CDKN2C: variants seen among roughly 807,000 people sequenced by gnomAD.
CDKN2C encodes cyclin-dependent kinase 4 inhibitor C.
In CDKN2C, 5 loss-of-function variants were observed where a neutral mutation model predicts 11.0. The observed-to-expected ratio is 0.45, with a 90% CI of 0.24 to 0.95. The LOEUF (loss-of-function observed/expected upper bound fraction) is 0.95, where lower values mean the gene tolerates loss of function less well. Ranked by LOEUF, CDKN2C falls within the 40% of genes least tolerant of loss-of-function variation. CDKN2C has a pLI of 0.21. For synonymous variants in CDKN2C, 79 were observed against 88.3 expected (o/e 0.89, Z 0.59); for missense variants, 161 against 211.9 (o/e 0.76, Z 1.49).
chr1:50,974,332 C>A lies in CDKN2C; in HGVS notation c.*62C>A, dbSNP rs1645395859. The A allele has an allele frequency of 2.7e-6, 4 of 1,460,276 alleles. No homozygotes were observed. In the East Asian group the frequency reaches 6.9e-5, roughly 25 times the overall value. 90.5% of individuals were successfully genotyped at this position (1,460,276 alleles called of 1,614,324 possible). A position where few individuals can be genotyped will look rare whatever the true frequency, so the allele number is the denominator to read the frequency against. On this transcript the variant is annotated 3_prime_UTR_variant, in exon 2 of 2. Transcript: ENST00000371761. The stretch of plus-strand genomic sequence containing the variant: ...TCAATTAACTGAGTAGCTCTCCTGA[C>A]TTTTAATGTCATTTGTTAAAATACA...
chr1:50,961,618 C>G (rs1645323884), intron 1 of CDKN2C, among the ~76,000 whole-genome samples: 1 of 152,160 alleles, frequency 6.6e-6, no homozygotes, highest in African/African-American at 2.4e-5. Flanking sequence ...CTGATTTTAT[C>G]CTGTAGAGCT....
In CDKN2C at chr1:50,970,424, A is replaced by G; in HGVS notation, c.56A>G (p.Glu19Gly). 3 of 1,614,114 alleles carry G rather than the reference A, an allele frequency of 1.9e-6. No individual in the cohort carries two copies. The highest frequency in any genetic ancestry group is 2.5e-6 in the Non-Finnish European group (3 of 1,179,974). The change falls in exon 1 of 2, where the codon GAG (glutamate) becomes GGG (glycine). Residue 19 changes from glutamate (E) to glycine (G), a missense_variant. Glu to Gly is a moderately conservative substitution (Grantham distance 98). Coordinates refer to ENST00000371761, the MANE Select transcript of CDKN2C (RefSeq NM_078626.3). ...LASAAARGDLEQLTSLLQNNV... is the reference protein window; with the variant it reads ...LASAAARGDLGQLTSLLQNNV... The stretch of plus-strand genomic sequence containing the variant: ...TCCGCAGCTGCCAGGGGGGACCTAG[A>G]GCAACTTACTAGTTTGTTGCAAAAT...
intron 1 of CDKN2C, chr1:50,960,930 C>T (rs1645315578): frequency 6.6e-6 from 1 of 152,154 alleles, no homozygotes; most frequent in Non-Finnish European, 1.5e-5. Context: ...CTTTCTACTG[C>T]TGCAGTTATA....
At chr1:50,970,096 C>A, upstream of CDKN2C, 2 of 517,182 alleles carry the variant, frequency 3.9e-6, no homozygotes, top group South Asian at 4.2e-5. Flanking sequence ...TCTGTGGAGT[C>A]GTCAGAATTC....
chr1:50,962,307 C>T (rs1347538229), intron 1 of CDKN2C, among the ~76,000 whole-genome samples: 2 of 152,212 alleles, frequency 1.3e-5, no homozygotes, highest in Non-Finnish European at 2.9e-5. Context: ...TCACCTGAAC[C>T]TGGGAGGTGG....
At chr1:50,970,007 A>G (rs1289121226), upstream of CDKN2C, 7 of 407,772 alleles carry the variant, frequency 1.7e-5, no homozygotes, top group Non-Finnish European at 3.2e-5. Flanking sequence ...AGAGATCTGT[A>G]GCGTAGGTAC....
intron 1 of CDKN2C, among the ~76,000 whole-genome samples, chr1:50,961,333 C>T (rs951605417): frequency 3.3e-5 from 5 of 152,164 alleles, no homozygotes; most frequent in African/African-American, 7.2e-5. Flanking sequence ...CCACTGCACC[C>T]GGCCTATTCA....
chr1:50,973,950 C>G lies in CDKN2C; in HGVS notation c.187C>G (p.Pro63Ala), dbSNP rs765396109. The change falls in exon 2 of 2, where the codon CCC becomes GCC. Residue 63 changes from proline to alanine, a missense_variant. Coordinates refer to ENST00000371761, the MANE Select transcript of CDKN2C (RefSeq NM_078626.3). ...GAGACTGCTACTTAGAGGTGCTAAT[C>G]CCGATTTGAAAGACCGAACTGGTTT... ...ARRLLLRGAN[P>A]DLKDRTGFAV... The G allele has an allele frequency of 6.2e-7, 1 of 1,614,190 alleles. No homozygotes were observed.
chr1:50,966,119 G>A (rs1453241390), upstream of CDKN2C, among the ~76,000 whole-genome samples: 1 of 145,950 alleles, frequency 6.9e-6, no homozygotes, highest in East Asian at 2.0e-4. Flanking sequence ...CTGCTGGGCC[G>A]CCACTGCCTC....
chr1:50,963,107 C>G (rs879560663), intron 1 of CDKN2C, among the ~76,000 whole-genome samples: 5 of 152,174 alleles, frequency 3.3e-5, no homozygotes, highest in Non-Finnish European at 7.3e-5. Context: ...TTTCTCAGGA[C>G]CACCCCTTTC....
chr1:50,967,571 GGCC>G (rs1329517490), upstream of CDKN2C, among the ~76,000 whole-genome samples: 2 of 152,172 alleles, frequency 1.3e-5, no homozygotes, highest in African/African-American at 4.8e-5. Flanking sequence ...GCTTGCCAAA[GGCC>G]GGTTCTAATT....
At chr1:50,971,203 A>G (rs1645377996) in intron 1 of CDKN2C, among the ~76,000 whole-genome samples, 1 of 152,218 alleles carries the variant, frequency 6.6e-6, no homozygotes, top group Non-Finnish European at 1.5e-5. Context: ...GCTGCCAAGT[A>G]TTGTACCTGA....
At chr1:50,971,956 T>C (rs1476588361) in intron 1 of CDKN2C, among the ~76,000 whole-genome samples, 1 of 152,142 alleles carries the variant, frequency 6.6e-6, no homozygotes, top group Non-Finnish European at 1.5e-5. Flanking sequence ...TCAATATGTA[T>C]AATCCTGACT....
At chr1:50,961,465 T>G (rs1645322386) in intron 1 of CDKN2C, among the ~76,000 whole-genome samples, 1 of 152,242 alleles carries the variant, frequency 6.6e-6, no homozygotes. Flanking sequence ...TGTGACAGTT[T>G]GTAATTGTCG....
chr1:50,969,952 C>T (rs960405826), upstream of CDKN2C: 18 of 252,598 alleles, frequency 7.1e-5, 1 homozygote, highest in South Asian at 1.2e-3. This position sits in a 1 kb window ranked among gnomAD's most constrained non-coding sequence, Gnocchi z 6.6. Context: ...GCGGTATTTT[C>T]TGCCCCGATC....
chr1:50,963,642 C>A (rs2124775279), intron 1 of CDKN2C, among the ~76,000 whole-genome samples: 1 of 152,252 alleles, frequency 6.6e-6, no homozygotes, highest in South Asian at 2.1e-4. Context: ...TATGGCCTAA[C>A]TCTTCATGGT....
chr1:50,966,155 C>T (rs1645346436), upstream of CDKN2C, among the ~76,000 whole-genome samples: 1 of 151,358 alleles, frequency 6.6e-6, no homozygotes, highest in Non-Finnish European at 1.5e-5. Flanking sequence ...CCTCCTGCCT[C>T]AGCCTCCTGA....
rs756668431 is a variant in CDKN2C, at chr1:50,974,096, C to T, written c.333C>T (p.Ala111=). 6.2e-7 allele frequency: 1 copy of T among 1,614,162 alleles called. No homozygotes were observed. The highest frequency in any genetic ancestry group is 8.5e-7 in the Non-Finnish European group (1 of 1,180,010). Residue 111 remains alanine, a synonymous_variant, in exon 2 of 2, where the codon GCC becomes GCT. Transcript: ENST00000371761. ...NEGNLPLHLA[A]KEGHLRVVEF... is the part of the protein sequence containing the mutation. ...GGAACCTGCCCTTGCACTTGGCTGC[C>T]AAAGAAGGCCACCTCCGGGTGGTGG...
At chr1:50,964,228 AC>A (rs1234361124) in intron 1 of CDKN2C, among the ~76,000 whole-genome samples, 2 of 152,166 alleles carry the variant, frequency 1.3e-5, no homozygotes, top group Non-Finnish European at 1.5e-5. Flanking sequence ...GTCCAATAAT[AC>A]CACATTACAT....
Sources: gnomAD v4.1 joint callset for allele counts (sites outside exome capture counted in the v4.1 genomes callset) on GRCh38, gnomAD v4.1.1 for gene constraint, Gnocchi (gnomAD v3.1) non-coding constraint, MANE v1.5 for transcripts, NCBI Gene and HGNC (gene_info 2026-07-23, HGNC 2026-07-21) for gene names.